Variants in ADAT1 observed in about 807,000 individuals in gnomAD.
ADAT1 encodes tRNA-specific adenosine deaminase 1.
ADAT1 carries 58 observed loss-of-function variants against 58.6 expected under a neutral mutation model. The observed-to-expected ratio is 0.99, with a 90% CI of 0.80 to 1.23. The LOEUF is 1.23. Ranked by LOEUF, ADAT1 falls within the 50% of genes most tolerant of loss-of-function variation. The pLI, the probability that ADAT1 is intolerant of heterozygous loss-of-function variation, is 0.00. For missense variants in ADAT1, 741 were observed against 608.6 expected (o/e 1.22, Z -2.29); for synonymous variants, 254 against 220.8 (o/e 1.15, Z -1.33).
At chr16:75,602,755 A>G (rs2081264309) in intron 9 of ADAT1, among the ~76,000 whole-genome samples, 1 of 152,210 alleles carries the variant, frequency 6.6e-6, no homozygotes, top group African/African-American at 2.4e-5. Flanking sequence ...GAGGAGTAAC[A>G]CTTGTAACAG....
chr16:75,610,737 T>C lies in ADAT1; in HGVS notation c.1043+1506A>G, dbSNP rs74530550. ...GGCTTTGCCCTGCCCTCATTTCCTA[T>C]AGCACTGAGTTTGGCTGCCTCCTTT... On this transcript the variant is annotated intron_variant, in intron 6 of 9. Transcript: ENST00000564657. Among the ~76,000 whole-genome samples the C allele has an allele frequency of 1.3e-3, 205 of 152,308 alleles. 5 individuals carry two copies. In the East Asian group the frequency reaches 0.037, roughly 28 times the overall value.
chr16:75,605,736 G>C lies in ADAT1; in HGVS notation c.1289+2488C>G, dbSNP rs867222882. On this transcript the variant is annotated intron_variant, in intron 8 of 9. Transcript: ENST00000564657. ...GGATCACCTGAGGTCAGGAGTTCAA[G>C]ACCAGCCTGCCCAACATGGCAAAAT... 3.3e-5 allele frequency among the ~76,000 whole-genome samples: 5 copies of C among 151,764 alleles called. 1 individual carries two copies. Among genetic ancestry groups the C allele is most frequent in the Non-Finnish European group, 7.4e-5 (5 of 67,952 alleles).
chr16:75,614,772 A>G (rs2081649854), intron 5 of ADAT1, among the ~76,000 whole-genome samples: 1 of 152,208 alleles, frequency 6.6e-6, no homozygotes, highest in Non-Finnish European at 1.5e-5. Context: ...ATACCAAGGG[A>G]GCCAGAGAGG....
chr16:75,598,976 C>T lies in ADAT1; in HGVS notation c.*1240G>A. 1.0e-6 allele frequency: 1 copy of T among 984,726 alleles called. No homozygotes were observed. The highest frequency in any genetic ancestry group is 1.2e-6 in the Non-Finnish European group (1 of 829,820). The allele number at this position is 984,726 out of a possible 1,614,324, so 61.0% of individuals were successfully genotyped here. A position where few individuals can be genotyped will look rare whatever the true frequency, so the allele number is the denominator to read the frequency against. On this transcript the variant is annotated 3_prime_UTR_variant, in exon 10 of 10. Transcript: ENST00000564657. The stretch of plus-strand genomic sequence containing the variant: ...CAACATGGGAGCTTCCATTTTCAGT[C>T]AATCATTCAAGGTCTGAAGTTGAGT...
At chr16:75,615,994 TC>T (rs2081704690) in intron 5 of ADAT1, among the ~76,000 whole-genome samples, 3 of 151,480 alleles carry the variant, frequency 2.0e-5, no homozygotes, top group Admixed American at 6.6e-5. Flanking sequence ...ACTCTTTCTT[TC>T]TTCTCTCTCT....
At chr16:75,612,942 C>T (rs1397987367) in intron 5 of ADAT1, 81 bp from the exon 6 acceptor site, 6 of 1,511,346 alleles carry the variant, frequency 4.0e-6, no homozygotes, top group Non-Finnish European at 5.3e-6. Flanking sequence ...CTTGGGAATT[C>T]ATCAGAAATG....
At chr16:75,604,506 CACACACACACACAT>C (rs1171110990) in intron 8 of ADAT1, among the ~76,000 whole-genome samples, 5 of 134,780 alleles carry the variant, frequency 3.7e-5, no homozygotes, top group East Asian at 2.2e-4. Context: ...CACACACACA[CACACACACACACAT>C]ATATACATAT....
At chr16:75,620,587 C>A (rs2081900151) in intron 2 of ADAT1, 44 bp downstream of exon 2, 4 of 1,601,828 alleles carry the variant, frequency 2.5e-6, no homozygotes, top group African/African-American at 2.7e-5. Flanking sequence ...CATAATTTTA[C>A]CATCTCTCAC....
At chr16:75,603,225 G>A (rs2081274798) in intron 8 of ADAT1, 54 bp from the exon 9 acceptor site, 2 of 1,487,502 alleles carry the variant, frequency 1.3e-6, no homozygotes, top group Non-Finnish European at 1.9e-6. Context: ...TATGTTCTAA[G>A]CCCCTATCAA....
intron 3 of ADAT1, 63 bp downstream of exon 3, chr16:75,620,203 G>T: frequency 1.3e-6 from 2 of 1,527,218 alleles, no homozygotes; most frequent in Non-Finnish European, 9.1e-7. Context: ...CCCTGACAAG[G>T]AGAGTAAAAC....
rs1642822094 is a variant in ADAT1 at position 75,596,940 on chromosome 16, CATGTT to C, written c.*3271_*3275del. 6.6e-6 allele frequency: 1 copy of C among 152,008 alleles called. No individual in the cohort carries two copies. The highest frequency in any genetic ancestry group is 2.1e-4 in the South Asian group (1 of 4,844). 9.4% of individuals were successfully genotyped at this position (152,008 alleles called of 1,614,324 possible). On this transcript the variant is annotated 3_prime_UTR_variant, in exon 10 of 10. Transcript: ENST00000564657. Reference sequence around the variant, plus strand: ...CATGCTACAACATAAATCTTGAAAACATGTTAAGTGAAAGAAGCCAGTCACAAAAG... The same window carrying C: ...CATGCTACAACATAAATCTTGAAAACAAGTGAAAGAAGCCAGTCACAAAAG...
intron 6 of ADAT1, among the ~76,000 whole-genome samples, chr16:75,611,554 G>C (rs2081534428): frequency 6.6e-6 from 1 of 151,796 alleles, no homozygotes; most frequent in African/African-American, 2.4e-5. Flanking sequence ...GCTAGTTTTT[G>C]TATTTTTTGT....
intron 3 of ADAT1, chr16:75,619,508 G>T: frequency 2.4e-6 from 1 of 422,154 alleles, no homozygotes; most frequent in Non-Finnish European, 4.7e-6. Context: ...CCGTACTTCA[G>T]TGAGACCCTG....
At position 75,612,786 on chromosome 16, in the gene ADAT1, T is replaced by A; in HGVS notation, c.500A>T (p.His167Leu). 1 of 1,614,076 alleles carries A rather than the reference T, an allele frequency of 6.2e-7. No individual in the cohort carries two copies. The highest frequency in any genetic ancestry group is 1.1e-5 in the South Asian group (1 of 91,082). Residue 167 changes from histidine (H) to leucine (L), a missense_variant, in exon 6 of 10, where the codon CAC becomes CTC. His to Leu is a moderately conservative substitution (Grantham distance 99). Coordinates refer to ENST00000564657, the MANE Select transcript of ADAT1 (RefSeq NM_001324445.2). ...PCCPVFRNWA[H>L]NSSVEASSNL... The stretch of plus-strand genomic sequence containing the variant: ...ACTACTGGCTTCTACTGATGAGTTG[T>A]GGGCCCAATTTCTGAAGACAGGACA...
chr16:75,619,719 T>G (rs534427495), intron 3 of ADAT1: 1 of 420,164 alleles, frequency 2.4e-6, no homozygotes, highest in Non-Finnish European at 4.8e-6. Context: ...AAGACTAGCT[T>G]GGCCAGCATG....
At chr16:75,615,095 C>G (rs760775896) in intron 5 of ADAT1, among the ~76,000 whole-genome samples, 13 of 151,242 alleles carry the variant, frequency 8.6e-5, no homozygotes, top group Non-Finnish European at 1.9e-4. Flanking sequence ...GGCGTGGTGG[C>G]GCATGCCTAT....
intron 4 of ADAT1, 147 bp from the exon 5 acceptor site, chr16:75,617,419 T>C: frequency 1.2e-6 from 1 of 858,620 alleles, no homozygotes; most frequent in Non-Finnish European, 1.7e-6. Flanking sequence ...AGACCAGTGA[T>C]TCTCAAAGTG....
chr16:75,619,018 G>C (rs1410317160), intron 3 of ADAT1, among the ~76,000 whole-genome samples: 3 of 152,200 alleles, frequency 2.0e-5, no homozygotes, highest in Non-Finnish European at 2.9e-5. Context: ...CCCCAGGTGA[G>C]AAACATTAAT....
rs2081171252 is a variant in ADAT1 at position 75,599,656 on chromosome 16, G to C, written c.*560C>G. ...AGAAAGCCTTTCCTGATACCTCTGA[G>C]AACAAGTCCAGGGCAGTCCAGGGCT... On this transcript the variant is annotated 3_prime_UTR_variant, in exon 10 of 10. Coordinates refer to ENST00000564657, the MANE Select transcript of ADAT1 (RefSeq NM_001324445.2). 1 of 985,890 alleles carries C rather than the reference G, an allele frequency of 1.0e-6. No homozygotes were observed. 61.1% of individuals were successfully genotyped at this position (985,890 alleles called of 1,614,324 possible). A position where few individuals can be genotyped will look rare whatever the true frequency, so the allele number is the denominator to read the frequency against.
Sources: gnomAD v4.1 joint callset for allele counts (sites outside exome capture counted in the v4.1 genomes callset) on GRCh38, gnomAD v4.1.1 for gene constraint, MANE v1.5 for transcripts, NCBI Gene and HGNC (gene_info 2026-07-23, HGNC 2026-07-21) for gene names.